The following FAF1 variants were observed in gnomAD, a reference collection of about 807,000 sequenced individuals.
The protein encoded by FAF1 is Fas associated factor 1, also known as FAS-associated factor 1.
Under a neutral mutation model 92.5 loss-of-function variants are expected in FAF1, and 25 were observed. The ratio of observed to expected loss-of-function variants is 0.27; its 90% CI spans 0.20 to 0.38. The LOEUF (loss-of-function observed/expected upper bound fraction) is 0.38. FAF1 is among the 10% of genes least tolerant of loss of function. The pLI is 1.00. For missense variants in FAF1, 636 were observed against 793.3 expected (o/e 0.80, Z 2.38); for synonymous variants, 234 against 273.2 (o/e 0.86, Z 1.42).
intron 2 of FAF1, among the ~76,000 whole-genome samples, chr1:50,810,242 C>T (rs527712324): frequency 6.6e-6 from 1 of 151,960 alleles, no homozygotes; most frequent in South Asian, 2.1e-4. Context: ...GCAACAAGAG[C>T]GAGACTCTGT....
At chr1:50,607,450 C>A (rs1384233256) in intron 8 of FAF1, among the ~76,000 whole-genome samples, 1 of 152,150 alleles carries the variant, frequency 6.6e-6, no homozygotes, top group African/African-American at 2.4e-5. Flanking sequence ...AAGGCCATAA[C>A]CCTGCCCACC....
chr1:50,554,583 G>C (rs1467139591), intron 13 of FAF1, among the ~76,000 whole-genome samples: 1 of 151,864 alleles, frequency 6.6e-6, no homozygotes, highest in Non-Finnish European at 1.5e-5. Context: ...GTTACAAAAC[G>C]AAAGAGGAAG....
chr1:50,683,585 A>G (rs914567530), intron 7 of FAF1, among the ~76,000 whole-genome samples: 1 of 151,962 alleles, frequency 6.6e-6, no homozygotes, highest in Non-Finnish European at 1.5e-5. Flanking sequence ...TACTTTTGAT[A>G]AAACTGATAG....
chr1:50,541,683 G>A (rs1648764903), intron 13 of FAF1, among the ~76,000 whole-genome samples: 1 of 151,674 alleles, frequency 6.6e-6, no homozygotes, highest in African/African-American at 2.4e-5. Context: ...CTGCCCATAA[G>A]TGCTATTAAG....
At chr1:50,443,888 C>T (rs1646198263) in intron 18 of FAF1, among the ~76,000 whole-genome samples, 2 of 152,046 alleles carry the variant, frequency 1.3e-5, no homozygotes, top group South Asian at 4.2e-4. Context: ...TGTTTCTTCC[C>T]CACGGCCCAG....
intron 12 of FAF1, among the ~76,000 whole-genome samples, chr1:50,581,187 C>G (rs1028230081): frequency 6.6e-6 from 1 of 152,080 alleles, no homozygotes; most frequent in Non-Finnish European, 1.5e-5. Flanking sequence ...AACATAATTG[C>G]TTAAAACAGC....
chr1:50,898,168 T>C (rs982614598), intron 1 of FAF1, among the ~76,000 whole-genome samples: 6 of 152,216 alleles, frequency 3.9e-5, no homozygotes, highest in Admixed American at 2.6e-4. Context: ...CAGCCAGGCA[T>C]GGTGGTGCAT....
At chr1:50,486,250 C>A (rs1646767444) in intron 17 of FAF1, among the ~76,000 whole-genome samples, 1 of 152,146 alleles carries the variant, frequency 6.6e-6, no homozygotes, top group Non-Finnish European at 1.5e-5. Context: ...TCTAGAGAAC[C>A]ATCAGCAAAA....
rs554805455 is a variant in FAF1, at chr1:50,699,389, T to C, written c.657+6397A>G. On this transcript the variant is annotated intron_variant, in intron 7 of 18. Coordinates refer to ENST00000396153, the MANE Select transcript of FAF1 (RefSeq NM_007051.3). ...TAACTTTGGTTAATAATCAGAATTA[T>C]GACAACAGAACTGTGTGAAAATATT... 7.2e-5 allele frequency among the ~76,000 whole-genome samples: 11 copies of C among 152,206 alleles called. No individual in the cohort carries two copies. In the East Asian group the frequency reaches 1.9e-3, roughly 27 times the overall value.
At chr1:50,701,572 G>C (rs556791908) in intron 7 of FAF1, among the ~76,000 whole-genome samples, 2 of 152,164 alleles carry the variant, frequency 1.3e-5, no homozygotes, top group South Asian at 4.1e-4. Flanking sequence ...CAAAATATAC[G>C]CTAGTCAAGC....
intron 15 of FAF1, among the ~76,000 whole-genome samples, chr1:50,521,939 C>T (rs1427480962): frequency 2.0e-5 from 3 of 152,222 alleles, no homozygotes; most frequent in Non-Finnish European, 4.4e-5. Flanking sequence ...AATCTCTTTA[C>T]ATCAGTTTCA....
chr1:50,814,310 T>C (rs1643945624), intron 2 of FAF1, among the ~76,000 whole-genome samples: 1 of 152,196 alleles, frequency 6.6e-6, no homozygotes, highest in Non-Finnish European at 1.5e-5. Context: ...TGCATATTAG[T>C]GTATGCTATA....
At chr1:50,510,489 T>C (rs1012480451) in intron 15 of FAF1, among the ~76,000 whole-genome samples, 2 of 152,104 alleles carry the variant, frequency 1.3e-5, no homozygotes, top group African/African-American at 2.4e-5. Flanking sequence ...AATAATTACA[T>C]GAACATGAGC....
intron 8 of FAF1, among the ~76,000 whole-genome samples, chr1:50,620,465 T>C (rs1653140648): frequency 6.6e-6 from 1 of 152,254 alleles, no homozygotes; most frequent in African/African-American, 2.4e-5. Flanking sequence ...TTGGATCATT[T>C]TGCTAGATTC....
intron 8 of FAF1, among the ~76,000 whole-genome samples, chr1:50,623,388 C>T (rs780994381): frequency 3.3e-5 from 5 of 151,604 alleles, no homozygotes; most frequent in Non-Finnish European, 5.9e-5. Flanking sequence ...GGCAACATGG[C>T]GAAACCCTGT....
chr1:50,608,011 CA>C (rs1027486083), intron 8 of FAF1, among the ~76,000 whole-genome samples: 2 of 152,240 alleles, frequency 1.3e-5, no homozygotes, highest in Non-Finnish European at 2.9e-5. Context: ...CAGTGTACAA[CA>C]GTAGCAAAGC....
At chr1:50,701,744 T>C (rs1657482491) in intron 7 of FAF1, among the ~76,000 whole-genome samples, 2 of 152,244 alleles carry the variant, frequency 1.3e-5, no homozygotes, top group African/African-American at 2.4e-5. Context: ...CTGAGACTTA[T>C]TCAACTCTAT....
At chr1:50,774,995 G>A (rs1660904162) in intron 4 of FAF1, among the ~76,000 whole-genome samples, 1 of 152,092 alleles carries the variant, frequency 6.6e-6, no homozygotes. Flanking sequence ...CTGCCTTTGG[G>A]CTCGCTTTCA....
intron 13 of FAF1, among the ~76,000 whole-genome samples, chr1:50,558,879 T>G (rs1026871890): frequency 2.0e-5 from 3 of 152,206 alleles, no homozygotes; most frequent in African/African-American, 7.2e-5. Context: ...GGTAGGAGTG[T>G]AGGAAGTATC....
Sources: allele counts gnomAD v4.1 joint callset (sites outside exome capture counted in the v4.1 genomes callset), GRCh38; gene constraint gnomAD v4.1.1; transcripts MANE v1.5; gene names NCBI Gene and HGNC (gene_info 2026-07-23, HGNC 2026-07-21).